Variants in RNPC3 observed in about 807,000 individuals in gnomAD.
RNPC3 encodes the protein RNA-binding region-containing protein 3.
Under a neutral mutation model 67.5 loss-of-function variants are expected in RNPC3, and 48 were observed. The ratio of observed to expected loss-of-function variants is 0.71; its 90% CI spans 0.56 to 0.90. The LOEUF (loss-of-function observed/expected upper bound fraction) is 0.90, where lower values mean the gene tolerates loss of function less well. Among genes scored for constraint, RNPC3 ranks in the 40% least tolerant of loss-of-function variants. The pLI is 0.00. For missense variants in RNPC3, 637 were observed against 626.1 expected (o/e 1.02, Z -0.19); for synonymous variants, 239 against 210.3 (o/e 1.14, Z -1.18).
At chr1:103,541,917 T>C (rs1461666565) in intron 8 of RNPC3, among the ~76,000 whole-genome samples, 1 of 152,024 alleles carries the variant, frequency 6.6e-6, no homozygotes, top group East Asian at 1.9e-4. Flanking sequence ...TCACCTGATA[T>C]CAAACATTTT....
At chr1:103,545,415 G>A (rs1439025787) in intron 10 of RNPC3, 1 of 211,470 alleles carries the variant, frequency 4.7e-6, no homozygotes, top group African/African-American at 2.4e-5. Context: ...TTTTCCAAAT[G>A]CAGCTGATAG....
At chr1:103,534,661 T>C in intron 3 of RNPC3, 113 bp from the exon 4 acceptor site, 1 of 643,946 alleles carries the variant, frequency 1.6e-6, no homozygotes, top group Non-Finnish European at 2.6e-6. Flanking sequence ...TTTTTTTTTT[T>C]TTTAATGAAG....
In RNPC3 at chr1:103,533,843, T is replaced by TA. The variant is rs1390928987; in HGVS notation, c.345_346insA (p.Glu116ArgfsTer7). Reference sequence around the variant, plus strand: ...ACTCCCCATGTCCCACTTCAGGCTCTGAAAAAAAAAAAAGGTATGTAGATC... The same window carrying TA: ...ACTCCCCATGTCCCACTTCAGGCTCTAGAAAAAAAAAAAAGGTATGTAGATC... On this transcript the variant is annotated frameshift_variant, in exon 3 of 15. Transcript: ENST00000423855. LOFTEE classifies it high-confidence loss of function. 2.0e-6 allele frequency: 3 copies of TA among 1,469,216 alleles called. No homozygotes were observed. The Admixed American group carries it at 6.5e-5, about 32-fold the overall frequency. 91.0% of individuals were successfully genotyped at this position (1,469,216 alleles called of 1,614,324 possible).
chr1:103,543,403 A>G lies in RNPC3; in HGVS notation c.1001A>G (p.Lys334Arg), dbSNP rs1268774027. Residue 334 changes from lysine (K) to arginine (R), a missense_variant, in exon 9 of 15, where the codon AAG (lysine) becomes AGG (arginine). Lys to Arg is a conservative substitution (Grantham distance 26). This residue lies in a region of RNPC3 where 536 missense variants were observed against 500.3 expected (regional missense o/e 1.07). Transcript: ENST00000423855. ...TCTACCGACATGCCAGCTGCATTTA[A>G]GAAAGATTTAGAAAAGGAACAAAAT... is the stretch of plus-strand genomic sequence containing the variant. ...HISTDMPAAF[K>R]KDLEKEQNCE... 3 of 1,517,926 alleles carry G rather than the reference A, an allele frequency of 2.0e-6. No individual in the cohort carries two copies. Among genetic ancestry groups the G allele is most frequent in the South Asian group, 2.5e-5 (2 of 80,578 alleles). 94.0% of individuals were successfully genotyped at this position (1,517,926 alleles called of 1,614,324 possible).
chr1:103,550,531 C>T (rs1311174260), intron 12 of RNPC3, among the ~76,000 whole-genome samples: 2 of 150,084 alleles, frequency 1.3e-5, no homozygotes, highest in Non-Finnish European at 3.0e-5. Flanking sequence ...GCCCCAGCTA[C>T]TTGGGAAGCT....
chr1:103,534,793 G>A lies in RNPC3; in HGVS notation c.379G>A (p.Asp127Asn), dbSNP rs1432291660. Residue 127 changes from aspartate to asparagine, a missense_variant, in exon 4 of 15, where the codon GAT becomes AAT. By Grantham distance (23) the Asp-to-Asn change is conservative. Transcript: ENST00000423855. ...KKKRSDDPVE[D>N]DKEKKELGYL... Reference sequence around the variant, plus strand: ...TCCCAGGTCTGATGACCCTGTCGAAGATGATAAAGAAAAAAAAGAACTTGG... The same window carrying A: ...TCCCAGGTCTGATGACCCTGTCGAAAATGATAAAGAAAAAAAAGAACTTGG... The A allele has an allele frequency of 6.5e-7, 1 of 1,530,062 alleles. No homozygotes were observed. Among genetic ancestry groups the A allele is most frequent in the Non-Finnish European group, 8.8e-7 (1 of 1,142,802 alleles). The allele number at this position is 1,530,062 out of a possible 1,614,324, so 94.8% of individuals were successfully genotyped here. A position where few individuals can be genotyped will look rare whatever the true frequency, so the allele number is the denominator to read the frequency against.
At chr1:103,546,595 G>C (rs1651250021) in intron 11 of RNPC3, 4 of 327,848 alleles carry the variant, frequency 1.2e-5, no homozygotes, top group Non-Finnish European at 1.6e-5. Flanking sequence ...CTAAGTGGCT[G>C]AAACAACAGA....
chr1:103,543,542 C>T (rs1651175284), intron 9 of RNPC3, 95 bp downstream of exon 9: 1 of 961,068 alleles, frequency 1.0e-6, no homozygotes, highest in African/African-American at 1.7e-5. Flanking sequence ...TATTTGTCAA[C>T]TTTATTTAAA....
At chr1:103,534,585 G>A (rs550053456) in intron 3 of RNPC3, among the ~76,000 whole-genome samples, 189 bp from the exon 4 acceptor site, 52 of 151,180 alleles carry the variant, frequency 3.4e-4, no homozygotes, top group African/African-American at 1.2e-3. Flanking sequence ...TTCAGTGAAG[G>A]TTACTTTTAG....
At chr1:103,532,743 G>C (rs1171417368) in intron 2 of RNPC3, among the ~76,000 whole-genome samples, 1 of 152,046 alleles carries the variant, frequency 6.6e-6, no homozygotes, top group Non-Finnish European at 1.5e-5. Context: ...TATCCAGGAA[G>C]GAGTGATTAA....
intron 2 of RNPC3, among the ~76,000 whole-genome samples, chr1:103,529,844 C>G (rs920135336): frequency 6.6e-6 from 1 of 152,214 alleles, no homozygotes; most frequent in African/African-American, 2.4e-5. Flanking sequence ...CTGGGCCGCA[C>G]AGCAGGAGGT....
At chr1:103,537,542 CT>C in intron 7 of RNPC3, 58 bp downstream of exon 7, 2 of 1,388,550 alleles carry the variant, frequency 1.4e-6, no homozygotes, top group Non-Finnish European at 1.9e-6. Flanking sequence ...AAGAAAGAGA[CT>C]CTTGCTCTCC....
At chr1:103,554,134 A>G (rs1320820105) in intron 14 of RNPC3, 4 of 152,280 alleles carry the variant, frequency 2.6e-5, no homozygotes, top group Non-Finnish European at 5.9e-5. Flanking sequence ...TGGGAGAATC[A>G]CTTGAGCCCA....
chr1:103,537,667 C>A (rs1246768837), intron 7 of RNPC3, among the ~76,000 whole-genome samples, 183 bp downstream of exon 7: 1 of 151,998 alleles, frequency 6.6e-6, no homozygotes, highest in Non-Finnish European at 1.5e-5. Context: ...GAATAGATAA[C>A]AAGACCTAAG....
chr1:103,541,543 C>G, intron 8 of RNPC3, 68 bp downstream of exon 8: 3 of 1,339,014 alleles, frequency 2.2e-6, no homozygotes, highest in Non-Finnish European at 2.9e-6. Flanking sequence ...TAATTCACAT[C>G]ATTCTTCATT....
At chr1:103,527,589 C>T (rs995800744) in intron 1 of RNPC3, 106 bp from the exon 2 acceptor site, 16 of 817,102 alleles carry the variant, frequency 2.0e-5, no homozygotes, top group African/African-American at 1.2e-4. Context: ...CATCCTTTCC[C>T]GTGATTTTAT....
In RNPC3 at chr1:103,526,150, G is replaced by T; in HGVS notation, c.80G>T (p.Arg27Leu). The T allele has an allele frequency of 6.4e-7, 1 of 1,551,440 alleles. No homozygotes were observed. The highest frequency in any genetic ancestry group is 8.7e-7 in the Non-Finnish European group (1 of 1,146,870). ...SSSLSPPRGDRTLLVRHLPAE... is the reference protein window; with the variant it reads ...SSSLSPPRGDLTLLVRHLPAE... ...TCGCTTTCCCCGCCTCGGGGCGACC[G>T]AACCCTTCTGGTCAGGCACCTGCCG... is the stretch of plus-strand genomic sequence containing the variant. Residue 27 changes from arginine (R) to leucine (L), a missense_variant, in exon 1 of 15, where the codon CGA becomes CTA. Transcript: ENST00000423855.
rs1651510325 is a variant in RNPC3 at position 103,555,200 on chromosome 1, T to C, written c.*179T>C. ...AAACATATTACATGTATTTTAATGA[T>C]TTTCCTCAAATATAATAAATTGTTT... On this transcript the variant is annotated 3_prime_UTR_variant, in exon 15 of 15. Transcript: ENST00000423855. The C allele has an allele frequency of 6.6e-6, 1 of 152,058 alleles. No homozygotes were observed. The highest frequency in any genetic ancestry group is 2.4e-5 in the African/African-American group (1 of 41,426). The allele number at this position is 152,058 out of a possible 1,614,324, so 9.4% of individuals were successfully genotyped here.
chr1:103,550,893 C>T (rs1651371226), intron 12 of RNPC3, 48 bp from the exon 13 acceptor site: 5 of 1,577,648 alleles, frequency 3.2e-6, no homozygotes, highest in Non-Finnish European at 4.3e-6. Flanking sequence ...CATTTTCATT[C>T]ACATTGAAAC....
Sources: gnomAD v4.1 joint callset for allele counts (sites outside exome capture counted in the v4.1 genomes callset) on GRCh38, gnomAD v4.1.1 for gene constraint, gnomAD v4.1.1 regional missense constraint, MANE v1.5 for transcripts, NCBI Gene and HGNC (gene_info 2026-07-23, HGNC 2026-07-21) for gene names.